Variants in RALA observed in about 807,000 individuals in gnomAD.
The protein encoded by RALA is RAS like proto-oncogene A, also known as ras-related protein Ral-A.
A neutral mutation model predicts 24.0 loss-of-function variants in RALA; 5 were observed. The observed-to-expected ratio is 0.21, with a 90% CI of 0.11 to 0.44. RALA has a LOEUF of 0.44. Among genes scored for constraint, RALA ranks in the 20% least tolerant of loss-of-function variants. The pLI, the probability that RALA is intolerant of heterozygous loss-of-function variation, is 0.99. For synonymous variants in RALA, 77 were observed against 83.8 expected, an observed-to-expected ratio of 0.92 and a Z score of 0.44; for missense variants, 95 against 241.2, an observed-to-expected ratio of 0.39 and a Z score of 4.01.
At chr7:39,646,916 G>A (rs1443786893) in intron 1 of RALA, among the ~76,000 whole-genome samples, 1 of 152,304 alleles carries the variant, frequency 6.6e-6, no homozygotes, top group East Asian at 1.9e-4. Context: ...AAAATAATGA[G>A]AGGTTGGATA....
At chr7:39,664,178 T>C (rs989076574) in intron 1 of RALA, among the ~76,000 whole-genome samples, 13 of 152,190 alleles carry the variant, frequency 8.5e-5, no homozygotes, top group African/African-American at 3.1e-4. Context: ...CAGGAAGGAA[T>C]AGGCTAACTA....
chr7:39,645,341 C>A (rs1791906244), intron 1 of RALA, among the ~76,000 whole-genome samples: 2 of 152,110 alleles, frequency 1.3e-5, no homozygotes, highest in Non-Finnish European at 2.9e-5. Flanking sequence ...TCAGAAAGAA[C>A]ATTTCGTTTT....
At chr7:39,694,377 G>A (rs1792880784) in intron 3 of RALA, among the ~76,000 whole-genome samples, 1 of 152,198 alleles carries the variant, frequency 6.6e-6, no homozygotes, top group South Asian at 2.1e-4. Context: ...GAGTTAAAAT[G>A]CAGGAGGTCT....
At chr7:39,666,643 C>T (rs140865289) in intron 1 of RALA, among the ~76,000 whole-genome samples, 2 of 152,308 alleles carry the variant, frequency 1.3e-5, no homozygotes, top group African/African-American at 2.4e-5. Flanking sequence ...GCCACATATA[C>T]AAGTCAGAAT....
chr7:39,674,049 A>AT (rs1792434511), intron 1 of RALA, among the ~76,000 whole-genome samples: 1 of 68,922 alleles, frequency 1.5e-5, no homozygotes, highest in Admixed American at 2.0e-4. Flanking sequence ...CTGTAAATAA[A>AT]TAAATAAATA....
intron 2 of RALA, 121 bp downstream of exon 2, chr7:39,686,902 T>C: frequency 1.4e-6 from 1 of 738,598 alleles, no homozygotes; most frequent in Non-Finnish European, 2.1e-6. Flanking sequence ...AATTTTTTTT[T>C]CATTTTTGTG....
chr7:39,699,719 A>C (rs1469978167), intron 4 of RALA, among the ~76,000 whole-genome samples: 1 of 152,202 alleles, frequency 6.6e-6, no homozygotes, highest in Non-Finnish European at 1.5e-5. Flanking sequence ...ACATACATAC[A>C]CATTATCTAT....
chr7:39,705,064 T>C (rs1031195611), intron 4 of RALA, among the ~76,000 whole-genome samples: 9 of 152,232 alleles, frequency 5.9e-5, no homozygotes, highest in African/African-American at 2.2e-4. Flanking sequence ...CACTCTTCCT[T>C]GTACCCTCCT....
At chr7:39,680,215 C>T (rs1167757533) in intron 1 of RALA, among the ~76,000 whole-genome samples, 3 of 151,488 alleles carry the variant, frequency 2.0e-5, no homozygotes, top group Admixed American at 6.6e-5. Flanking sequence ...ACTAAAAATA[C>T]AAAATTAGCC....
At chr7:39,680,798 C>T (rs992836249) in intron 1 of RALA, among the ~76,000 whole-genome samples, 1 of 152,026 alleles carries the variant, frequency 6.6e-6, no homozygotes, top group South Asian at 2.1e-4. Flanking sequence ...GAAGTGCCAC[C>T]GTTTATTACA....
chr7:39,703,180 A>G (rs1793058977), intron 4 of RALA: 1 of 152,254 alleles, frequency 6.6e-6, no homozygotes, highest in Non-Finnish European at 1.5e-5. Context: ...TTTCCTTTTC[A>G]TAGTGATTTA....
At chr7:39,642,216 T>TA (rs1791830261) in intron 1 of RALA, among the ~76,000 whole-genome samples, 1 of 152,188 alleles carries the variant, frequency 6.6e-6, no homozygotes, top group South Asian at 2.1e-4. Flanking sequence ...CACAGTGGCT[T>TA]AGAGCTCTGG....
chr7:39,667,519 C>T (rs766354363), intron 1 of RALA, among the ~76,000 whole-genome samples: 17 of 152,198 alleles, frequency 1.1e-4, no homozygotes, highest in Non-Finnish European at 2.2e-4. Context: ...CCAGCATTCC[C>T]GTGAGGGAGG....
rs1198437449 is a variant in RALA at position 39,628,127 on chromosome 7, A to G, written c.-38+4302A>G. ...AATTCTAGCCTCTCTTCCTTCCCCT[A>G]ATCTAGTATACTCCTACTGGTCCTT... is the stretch of plus-strand genomic sequence containing the variant. On this transcript the variant is annotated intron_variant, in intron 1 of 4. Transcript: ENST00000005257. Among the ~76,000 whole-genome samples the G allele has an allele frequency of 2.7e-5, 4 of 149,960 alleles. No homozygotes were observed. In the East Asian group the frequency reaches 7.8e-4, roughly 29 times the overall value.
chr7:39,642,893 GTTCAGGCCACACATCA>G (rs1327506901), intron 1 of RALA, among the ~76,000 whole-genome samples: 1 of 152,222 alleles, frequency 6.6e-6, no homozygotes, highest in Non-Finnish European at 1.5e-5. Context: ...CAGTCTGCCT[GTTCAGGCCACACATCA>G]TTCATTTCTT....
chr7:39,691,880 A>G (rs1478813289), intron 3 of RALA, among the ~76,000 whole-genome samples: 1 of 152,210 alleles, frequency 6.6e-6, no homozygotes, highest in African/African-American at 2.4e-5. Flanking sequence ...AGTGCTTATA[A>G]TGTAGCAAGT....
At chr7:39,658,610 C>T (rs1445632806) in intron 1 of RALA, among the ~76,000 whole-genome samples, 1 of 152,088 alleles carries the variant, frequency 6.6e-6, no homozygotes, top group East Asian at 1.9e-4. Context: ...CACACACTGT[C>T]TGCATCCTTG....
chr7:39,699,330 C>T (rs983543256), intron 4 of RALA, among the ~76,000 whole-genome samples: 18 of 150,522 alleles, frequency 1.2e-4, no homozygotes, highest in Middle Eastern at 6.8e-3. Flanking sequence ...TTAGTAGAGA[C>T]GGGGTTTCAC....
intron 1 of RALA, among the ~76,000 whole-genome samples, chr7:39,654,598 A>G (rs939523388): frequency 1.3e-5 from 2 of 152,224 alleles, no homozygotes; most frequent in African/African-American, 2.4e-5. Flanking sequence ...CATTGTATCT[A>G]GGAAATCATC....
Sources: gnomAD v4.1 joint callset for allele counts (sites outside exome capture counted in the v4.1 genomes callset) on GRCh38, gnomAD v4.1.1 for gene constraint, MANE v1.5 for transcripts, NCBI Gene and HGNC (gene_info 2026-07-23, HGNC 2026-07-21) for gene names.